The following NCBP1 variants were observed in gnomAD, a reference collection of about 807,000 sequenced individuals.
The protein encoded by NCBP1 is nuclear cap binding protein subunit 1.
NCBP1 carries 16 observed loss-of-function variants against 111.7 expected under a neutral mutation model. The ratio of observed to expected loss-of-function variants is 0.14; its 90% confidence interval spans 0.10 to 0.22. NCBP1 has a LOEUF of 0.22. Among genes scored for constraint, NCBP1 ranks in the 10% least tolerant of loss-of-function variants. The probability of loss-of-function intolerance (pLI) is 1.00; values close to 1 mark genes in which losing one functional copy is unlikely to be tolerated. For missense variants in NCBP1, 607 were observed against 957.5 expected, an observed-to-expected ratio of 0.63 and a Z score of 4.83; for synonymous variants, 304 against 314.3, an observed-to-expected ratio of 0.97 and a Z score of 0.35.
At chr9:97,638,406 C>A (rs906860405) in intron 1 of NCBP1, among the ~76,000 whole-genome samples, 4 of 152,082 alleles carry the variant, frequency 2.6e-5, no homozygotes, top group Non-Finnish European at 5.9e-5. Flanking sequence ...GCACTATTTT[C>A]CCCTTTTCAA....
intron 11 of NCBP1, among the ~76,000 whole-genome samples, chr9:97,654,678 C>T (rs943812645): frequency 2.6e-4 from 39 of 151,990 alleles, no homozygotes; most frequent in African/African-American, 8.7e-4. Context: ...CTTGATTTCA[C>T]GAGTGTATGC....
In NCBP1 at chr9:97,664,408, G is replaced by T. The variant is rs763732944; in HGVS notation, c.1866G>T (p.Trp622Cys). 1.9e-6 allele frequency: 3 copies of T among 1,612,434 alleles called. No homozygotes were observed. In the Admixed American group the frequency reaches 5.0e-5, roughly 27 times the overall value. ...QIVDCAAVAN[W>C]IFSSELSRDF... ...TTGATTGTGCTGCCGTAGCAAATTG[G>T]ATCTTCTCTTCAGAACTATCTCGTG... Residue 622 changes from tryptophan (W) to cysteine (C), a missense_variant, in exon 19 of 23, where the codon TGG becomes TGT. Physicochemically the swap from Trp to Cys is radical, Grantham distance 215 (BLOSUM62 -2). Transcript: ENST00000375147.
chr9:97,655,667 C>T (rs772551718), intron 12 of NCBP1, 35 bp from the exon 13 acceptor site: 4 of 1,552,580 alleles, frequency 2.6e-6, no homozygotes, highest in African/African-American at 2.8e-5. Flanking sequence ...GTTATTCTTC[C>T]TTTTTCTCTG....
At chr9:97,651,562 A>C (rs899352514) in intron 10 of NCBP1, among the ~76,000 whole-genome samples, 189 bp downstream of exon 10, 2 of 152,174 alleles carry the variant, frequency 1.3e-5, no homozygotes, top group Non-Finnish European at 2.9e-5. Flanking sequence ...AAAGAGAAAA[A>C]AGATTGGAAC....
chr9:97,646,591 T>C (rs1827340384), intron 6 of NCBP1, among the ~76,000 whole-genome samples: 1 of 152,102 alleles, frequency 6.6e-6, no homozygotes. Context: ...ATCCCAGCAC[T>C]TTAGGAGGCC....
chr9:97,644,757 C>T (rs1023308957), intron 4 of NCBP1, among the ~76,000 whole-genome samples: 1 of 152,178 alleles, frequency 6.6e-6, no homozygotes, highest in African/African-American at 2.4e-5. Context: ...TCACAGATTA[C>T]TGTCCTTTAT....
intron 3 of NCBP1, 125 bp downstream of exon 3, chr9:97,641,787 T>C (rs1827213436): frequency 9.2e-7 from 1 of 1,085,808 alleles, no homozygotes; most frequent in Non-Finnish European, 1.2e-6. Context: ...ATGGGGAAAT[T>C]TGTACAAATG....
chr9:97,648,290 T>A, intron 8 of NCBP1, 67 bp downstream of exon 8: 1 of 1,400,644 alleles, frequency 7.1e-7, no homozygotes, highest in Non-Finnish European at 1.0e-6. Context: ...TTAATCCCGC[T>A]TGAATTATGC....
intron 22 of NCBP1, among the ~76,000 whole-genome samples, chr9:97,670,739 C>G (rs951131899): frequency 1.3e-5 from 2 of 152,152 alleles, no homozygotes; most frequent in Non-Finnish European, 2.9e-5. Context: ...TAAAAAGTTA[C>G]AATGTATTAT....
intron 19 of NCBP1, 42 bp from the exon 20 acceptor site, chr9:97,666,721 C>A: frequency 2.3e-6 from 3 of 1,280,916 alleles, no homozygotes; most frequent in African/African-American, 1.5e-5. Flanking sequence ...TTTCTGTAAC[C>A]ATAGCTTGAC....
At chr9:97,638,192 G>A (rs1210219792) in intron 1 of NCBP1, among the ~76,000 whole-genome samples, 5 of 152,118 alleles carry the variant, frequency 3.3e-5, no homozygotes, top group African/African-American at 1.2e-4. Context: ...TTTGTCTGTA[G>A]TCTTCACCCC....
rs1440359983 is a variant in NCBP1, at chr9:97,668,312, C to T, written c.2017-534C>T. Reference sequence around the variant, plus strand: ...AAAAGAAAAAATTAAATTCTATAAACTCTTCAGAGTGAGCTGGGGGCAGGG... The same window carrying T: ...AAAAGAAAAAATTAAATTCTATAAATTCTTCAGAGTGAGCTGGGGGCAGGG... On this transcript the variant is annotated intron_variant, in intron 20 of 22. Coordinates refer to ENST00000375147, the MANE Select transcript of NCBP1 (RefSeq NM_002486.5). 2.0e-5 allele frequency among the ~76,000 whole-genome samples: 3 copies of T among 152,220 alleles called. No individual in the cohort carries two copies. The East Asian group carries it at 5.8e-4, about 29-fold the overall frequency.
rs191669699 is a variant in NCBP1 at position 97,654,911 on chromosome 9, G to A, written c.1202G>A (p.Arg401His). ...LAQATEMLYM[R>H]LDTMNTTCVD... is the part of the protein sequence containing the mutation. ...CAGGCAACTGAAATGCTATACATGC[G>A]TTTGGACACAATGAACACTACCTGT... Residue 401 changes from arginine to histidine, a missense_variant, in exon 12 of 23, where the codon CGT becomes CAT. By Grantham distance (29) the Arg-to-His change is conservative (BLOSUM62 0). This residue lies in a region of NCBP1 where 21 missense variants were observed against 19.6 expected (regional missense o/e 1.07). Transcript: ENST00000375147. 6.2e-6 allele frequency: 10 copies of A among 1,612,004 alleles called. No individual in the cohort carries two copies. The highest frequency in any genetic ancestry group is 5.0e-5 in the Admixed American group (3 of 59,570).
intron 10 of NCBP1, among the ~76,000 whole-genome samples, chr9:97,653,159 C>T (rs1190136020): frequency 1.4e-5 from 2 of 138,828 alleles, no homozygotes; most frequent in Non-Finnish European, 3.0e-5. Flanking sequence ...CTCGCTCTGT[C>T]GCCTAGGCTG....
At position 97,645,080 on chromosome 9, in the gene NCBP1, A is replaced by G. The variant is rs780036136; in HGVS notation, c.382-37A>G. On this transcript the variant is annotated intron_variant, in intron 4 of 22. Coordinates refer to ENST00000375147, the MANE Select transcript of NCBP1 (RefSeq NM_002486.5). The stretch of plus-strand genomic sequence containing the variant: ...TTATTTTGTAGTTATTATAAAGAAC[A>G]TTTAGGTTTAATAGCAGAAATTGTT... 7 of 1,449,438 alleles carry G rather than the reference A, an allele frequency of 4.8e-6. No individual in the cohort carries two copies. The South Asian group carries it at 6.8e-5, about 14-fold the overall frequency. 89.8% of individuals were successfully genotyped at this position (1,449,438 alleles called of 1,614,324 possible). A position where few individuals can be genotyped will look rare whatever the true frequency, so the allele number is the denominator to read the frequency against.
intron 3 of NCBP1, among the ~76,000 whole-genome samples, chr9:97,642,683 A>G (rs1440526354): frequency 6.6e-6 from 1 of 152,140 alleles, no homozygotes; most frequent in Non-Finnish European, 1.5e-5. Flanking sequence ...GTAGGAACTT[A>G]GATGAAACTC....
At chr9:97,658,181 A>C (rs1390678634) in intron 14 of NCBP1, among the ~76,000 whole-genome samples, 1 of 151,940 alleles carries the variant, frequency 6.6e-6, no homozygotes, top group Non-Finnish European at 1.5e-5. Context: ...CCATCCATCC[A>C]TAACTGTTTT....
At chr9:97,641,867 ATGTT>A (rs1383277374) in intron 3 of NCBP1, among the ~76,000 whole-genome samples, 1 of 152,126 alleles carries the variant, frequency 6.6e-6, no homozygotes, top group African/African-American at 2.4e-5. Flanking sequence ...TTTTCCTTGT[ATGTT>A]CTTACAACCT....
intron 16 of NCBP1, 95 bp downstream of exon 16, chr9:97,661,163 T>C: frequency 6.7e-7 from 1 of 1,485,748 alleles, no homozygotes; most frequent in African/African-American, 1.4e-5. Flanking sequence ...TAAAGCAATA[T>C]ATCTATATCT....
Sources: allele counts gnomAD v4.1 joint callset (sites outside exome capture counted in the v4.1 genomes callset), GRCh38; gene constraint gnomAD v4.1.1; regional missense constraint gnomAD v4.1.1; transcripts MANE v1.5; gene names NCBI Gene and HGNC (gene_info 2026-07-23, HGNC 2026-07-21).